The following CFAP57 variants were observed in gnomAD, a reference collection of about 807,000 sequenced individuals.
The protein encoded by CFAP57 is cilia- and flagella-associated protein 57.
In CFAP57, 116 loss-of-function variants were observed where a neutral mutation model predicts 146.8. The observed-to-expected ratio is 0.79, with a 90% CI of 0.68 to 0.92. CFAP57 has a LOEUF of 0.92. Ranked by LOEUF, CFAP57 falls within the 40% of genes least tolerant of loss-of-function variation. The pLI is 0.00. For synonymous variants in CFAP57, 518 were observed against 552.8 expected (o/e 0.94, Z 0.88); for missense variants, 1,377 against 1,527.2 (o/e 0.90, Z 1.64).
At chr1:43,178,931 T>A (rs112381433) in intron 2 of CFAP57, among the ~76,000 whole-genome samples, 6,212 of 152,244 alleles carry the variant, frequency 0.041, 167 homozygotes, top group African/African-American at 0.071. Context: ...GTGGCACATA[T>A]ACACCATGGA....
intron 2 of CFAP57, among the ~76,000 whole-genome samples, chr1:43,180,376 A>G (rs1645355057): frequency 6.6e-6 from 1 of 151,962 alleles, no homozygotes; most frequent in African/African-American, 2.4e-5. Context: ...TCAAATAAAT[A>G]CTAAAACATT....
chr1:43,240,111 A>G (rs1421178606), intron 21 of CFAP57, among the ~76,000 whole-genome samples: 3 of 152,134 alleles, frequency 2.0e-5, no homozygotes, highest in African/African-American at 7.2e-5. Context: ...AATGCGGGAA[A>G]CCTATCACTG....
At chr1:43,230,475 C>G (rs1411466230) in intron 18 of CFAP57, among the ~76,000 whole-genome samples, 1 of 152,196 alleles carries the variant, frequency 6.6e-6, no homozygotes, top group Non-Finnish European at 1.5e-5. Flanking sequence ...AGGCAAACTT[C>G]TCACCATTTG....
At chr1:43,200,833 A>T (rs1416038028) in intron 9 of CFAP57, among the ~76,000 whole-genome samples, 1 of 152,238 alleles carries the variant, frequency 6.6e-6, no homozygotes, top group Non-Finnish European at 1.5e-5. Flanking sequence ...ATTGGACTTT[A>T]GTCTCTAGGT....
At chr1:43,223,679 A>G (rs572900402) in intron 16 of CFAP57, among the ~76,000 whole-genome samples, 1 of 152,276 alleles carries the variant, frequency 6.6e-6, no homozygotes, top group East Asian at 1.9e-4. Context: ...GTTAGGGCCC[A>G]CTTTCTGTGA....
At chr1:43,176,647 G>T (rs1216156076) in intron 2 of CFAP57, among the ~76,000 whole-genome samples, 1 of 152,226 alleles carries the variant, frequency 6.6e-6, no homozygotes, top group Non-Finnish European at 1.5e-5. Flanking sequence ...TGTCCTCACA[G>T]TGCTTCCATT....
intron 17 of CFAP57, among the ~76,000 whole-genome samples, chr1:43,225,430 A>G (rs1026242527): frequency 1.3e-5 from 2 of 152,268 alleles, no homozygotes; most frequent in African/African-American, 4.8e-5. Context: ...ACATTAGTCA[A>G]TTAACTTGGC....
intron 12 of CFAP57, among the ~76,000 whole-genome samples, chr1:43,218,648 G>T (rs189508925): frequency 6.6e-6 from 1 of 152,018 alleles, no homozygotes; most frequent in East Asian, 1.9e-4. Context: ...AAGATACTAG[G>T]CATAAAAACC....
At chr1:43,212,408 T>A (rs999727727) in intron 11 of CFAP57, among the ~76,000 whole-genome samples, 8 of 152,192 alleles carry the variant, frequency 5.3e-5, no homozygotes, top group African/African-American at 1.4e-4. Flanking sequence ...TGAAAATGGC[T>A]TTTTTATTGA....
chr1:43,180,239 A>ATAT (rs779998085), intron 2 of CFAP57, among the ~76,000 whole-genome samples: 4,138 of 144,848 alleles, frequency 0.029, 170 homozygotes, highest in East Asian at 0.15. Flanking sequence ...ATATATATAT[A>ATAT]AAATATATAT....
At chr1:43,197,835 AC>A (rs1643929783) in intron 7 of CFAP57, 143 bp downstream of exon 7, 1 of 1,200,944 alleles carries the variant, frequency 8.3e-7, no homozygotes, top group South Asian at 1.4e-5. Context: ...AAGTCAGTCA[AC>A]CTACCTGTTT....
intron 6 of CFAP57, among the ~76,000 whole-genome samples, chr1:43,190,189 T>A (rs1643409358): frequency 6.6e-6 from 1 of 152,024 alleles, no homozygotes; most frequent in Non-Finnish European, 1.5e-5. Context: ...CTAGAACCTC[T>A]AGTATCATGT....
At chr1:43,234,861 G>GCACCCTGGCCTC (rs1553186464) in intron 21 of CFAP57, among the ~76,000 whole-genome samples, 1 of 152,012 alleles carries the variant, frequency 6.6e-6, no homozygotes, top group Non-Finnish European at 1.5e-5. Flanking sequence ...CTTCCATGCT[G>GCACCCTGGCCTC]CACCCTGGCC....
chr1:43,216,997 G>A (rs1231580020), intron 12 of CFAP57, among the ~76,000 whole-genome samples: 3 of 152,236 alleles, frequency 2.0e-5, no homozygotes, highest in Non-Finnish European at 4.4e-5. Flanking sequence ...GATGCTGTGG[G>A]AGCACAGGGG....
At chr1:43,178,679 T>C (rs927418508) in intron 2 of CFAP57, among the ~76,000 whole-genome samples, 1 of 152,204 alleles carries the variant, frequency 6.6e-6, no homozygotes, top group Non-Finnish European at 1.5e-5. Flanking sequence ...ACTTTTACAT[T>C]GTTGGTGGGA....
intron 12 of CFAP57, among the ~76,000 whole-genome samples, chr1:43,218,294 T>C (rs535319688): frequency 6.6e-6 from 1 of 152,278 alleles, no homozygotes; most frequent in South Asian, 2.1e-4. Flanking sequence ...TTTGGCATCA[T>C]TGAGTACGAT....
intron 21 of CFAP57, among the ~76,000 whole-genome samples, chr1:43,236,526 C>A (rs903129338): frequency 1.4e-5 from 2 of 141,294 alleles, no homozygotes; most frequent in Non-Finnish European, 3.0e-5. Context: ...GTGGGGGGTT[C>A]CTGCAAGATT....
Position 43,226,979 on chromosome 1 carries a change from C to T in CFAP57, c.2866-4C>T, listed in dbSNP as rs1645269792. The T allele has an allele frequency of 1.3e-6, 2 of 1,506,292 alleles. No individual in the cohort carries two copies. Among genetic ancestry groups the T allele is most frequent in the African/African-American group, 2.8e-5 (2 of 71,350 alleles). The allele number at this position is 1,506,292 out of a possible 1,614,324, so 93.3% of individuals were successfully genotyped here. A position where few individuals can be genotyped will look rare whatever the true frequency, so the allele number is the denominator to read the frequency against. On this transcript the variant is annotated splice_region_variant and splice_polypyrimidine_tract_variant and intron_variant, in intron 17 of 22. Coordinates refer to ENST00000372492, the MANE Select transcript of CFAP57 (RefSeq NM_001378189.1). ...CTCTCACTTCTCTCTCATCTCACCC[C>T]CAGGAGAAGCGAATTTATGATCTGA...
intron 11 of CFAP57, among the ~76,000 whole-genome samples, chr1:43,212,156 T>C (rs1644643162): frequency 6.6e-6 from 1 of 152,122 alleles, no homozygotes; most frequent in African/African-American, 2.4e-5. Flanking sequence ...AACCAGAAAA[T>C]TGACATGGTC....
Sources: gnomAD v4.1 joint callset for allele counts (sites outside exome capture counted in the v4.1 genomes callset) on GRCh38, gnomAD v4.1.1 for gene constraint, MANE v1.5 for transcripts, NCBI Gene and HGNC (gene_info 2026-07-23, HGNC 2026-07-21) for gene names.